Variants in RALY observed in about 807,000 individuals in gnomAD.
RALY encodes RALY heterogeneous nuclear ribonucleoprotein.
In RALY, 15 loss-of-function variants were observed where a neutral mutation model predicts 30.7. The ratio of observed to expected loss-of-function variants is 0.49; its 90% CI spans 0.33 to 0.75. The LOEUF is 0.75. Ranked by LOEUF, RALY falls within the 30% of genes least tolerant of loss-of-function variation. The pLI is 0.02. For synonymous variants in RALY, 177 were observed against 170.8 expected, an observed-to-expected ratio of 1.04 and a Z score of -0.28; for missense variants, 339 against 414.3, an observed-to-expected ratio of 0.82 and a Z score of 1.58.
At chr20:34,006,565 G>T (rs2031166649) in intron 1 of RALY, among the ~76,000 whole-genome samples, 1 of 152,182 alleles carries the variant, frequency 6.6e-6, no homozygotes, top group Admixed American at 6.5e-5. Context: ...GTCACATGCT[G>T]CATAGAGATG....
intron 4 of RALY, 88 bp downstream of exon 4, chr20:34,073,723 T>A (rs940544697): frequency 2.0e-5 from 31 of 1,547,004 alleles, no homozygotes; most frequent in Non-Finnish European, 2.7e-5. Context: ...GTGTGCTGAA[T>A]CTAGAACTTG....
intron 1 of RALY, among the ~76,000 whole-genome samples, chr20:34,017,220 C>T (rs2031643419): frequency 7.8e-6 from 1 of 127,654 alleles, no homozygotes; most frequent in Non-Finnish European, 1.7e-5. Context: ...AAATACTGAG[C>T]CTCATTGTGT....
rs764487648 is a variant in RALY, at chr20:34,076,696, T to A, written c.545-6T>A. On this transcript the variant is annotated splice_region_variant and splice_polypyrimidine_tract_variant and intron_variant, in intron 6 of 9. Transcript: ENST00000246194. ...GGTGACAGCCCTGTCCCCCCTCCAC[T>A]CCCAGTAAAGAGCAGTGAGCTGCAG... 1 of 1,613,200 alleles carries A rather than the reference T, an allele frequency of 6.2e-7. No homozygotes were observed. Among genetic ancestry groups the A allele is most frequent in the South Asian group, 1.1e-5 (1 of 91,010 alleles).
At position 34,078,486 on chromosome 20, in the gene RALY, C is replaced by G. The variant is rs2033956149; in HGVS notation, c.877-19C>G. The G allele has an allele frequency of 6.4e-7, 1 of 1,572,658 alleles. No individual in the cohort carries two copies. The highest frequency in any genetic ancestry group is 1.4e-5 in the African/African-American group (1 of 73,138). ...TGGCAATGAGTGATGTGTGGTCTCTCTTACCTCCTCCCTATCAGGAACACA... is the reference window on the plus strand; with the variant it reads ...TGGCAATGAGTGATGTGTGGTCTCTGTTACCTCCTCCCTATCAGGAACACA... On this transcript the variant is annotated intron_variant, in intron 8 of 9. Transcript: ENST00000246194.
At chr20:34,075,432 G>A (rs2033846345) in intron 5 of RALY, among the ~76,000 whole-genome samples, 1 of 151,964 alleles carries the variant, frequency 6.6e-6, no homozygotes. Flanking sequence ...GCTCAGGTAG[G>A]CTCAGTTGAC....
chr20:34,072,445 T>C (rs1318459814), intron 3 of RALY, 115 bp downstream of exon 3: 1 of 1,324,540 alleles, frequency 7.5e-7, no homozygotes, highest in South Asian at 1.5e-5. Flanking sequence ...TGAGATTTTA[T>C]AAATTTATAA....
intron 2 of RALY, among the ~76,000 whole-genome samples, chr20:34,062,481 AT>A (rs1453236954): frequency 6.6e-6 from 1 of 152,208 alleles, no homozygotes; most frequent in African/African-American, 2.4e-5. Context: ...GATAACACAA[AT>A]TAAGGGGTAG....
intron 2 of RALY, among the ~76,000 whole-genome samples, chr20:34,050,918 A>G (rs1408149904): frequency 6.6e-6 from 1 of 152,156 alleles, no homozygotes; most frequent in Admixed American, 6.5e-5. Context: ...CAGATTGGCA[A>G]TTTAGTGTGA....
At chr20:34,042,239 C>T (rs1352093918) in intron 2 of RALY, among the ~76,000 whole-genome samples, 2 of 152,164 alleles carry the variant, frequency 1.3e-5, no homozygotes, top group African/African-American at 4.8e-5. Flanking sequence ...CCGCTCCCGC[C>T]GAGGCAGCTG....
chr20:34,051,254 G>T (rs1319808027), intron 2 of RALY, among the ~76,000 whole-genome samples: 1 of 152,166 alleles, frequency 6.6e-6, no homozygotes, highest in Non-Finnish European at 1.5e-5. Context: ...GGCCCAGGAA[G>T]CTTTAAAGAG....
intron 3 of RALY, among the ~76,000 whole-genome samples, chr20:34,072,929 AGTGTGT>A (rs3835232): frequency 0.015 from 2,273 of 148,864 alleles, 26 homozygotes; most frequent in Middle Eastern, 0.028. Context: ...GTATAGATGT[AGTGTGT>A]GTGTGTGTGT....
intron 2 of RALY, among the ~76,000 whole-genome samples, chr20:34,058,622 G>C (rs1421071595): frequency 6.6e-6 from 1 of 152,136 alleles, no homozygotes; most frequent in Non-Finnish European, 1.5e-5. Flanking sequence ...TCTGACCTTA[G>C]GCATGTTCTC....
chr20:34,041,554 CT>C (rs1467573572), intron 2 of RALY, among the ~76,000 whole-genome samples: 1 of 152,328 alleles, frequency 6.6e-6, no homozygotes, highest in South Asian at 2.1e-4. Flanking sequence ...TAGTCTCTGT[CT>C]TTTTCTCAGC....
At chr20:34,062,682 A>G (rs2033453156) in intron 2 of RALY, among the ~76,000 whole-genome samples, 1 of 152,230 alleles carries the variant, frequency 6.6e-6, no homozygotes, top group Non-Finnish European at 1.5e-5. Context: ...GCAAAACAAG[A>G]GGGGCATTTG....
At chr20:34,065,887 A>G (rs1250647613) in intron 2 of RALY, among the ~76,000 whole-genome samples, 2 of 152,208 alleles carry the variant, frequency 1.3e-5, no homozygotes, top group Non-Finnish European at 2.9e-5. Context: ...GGGGGCATCA[A>G]GACCTAAAGC....
chr20:34,002,010 G>C (rs1481510283), intron 1 of RALY, among the ~76,000 whole-genome samples: 1 of 152,118 alleles, frequency 6.6e-6, no homozygotes, highest in Non-Finnish European at 1.5e-5. Flanking sequence ...CTGGTGATCT[G>C]CCCACCTCGG....
intron 2 of RALY, among the ~76,000 whole-genome samples, chr20:34,045,060 C>T (rs2032831849): frequency 6.6e-6 from 1 of 152,188 alleles, no homozygotes; most frequent in African/African-American, 2.4e-5. Context: ...CAGGCATGCA[C>T]CACCACACCT....
chr20:33,996,434 G>T (rs1489290623), intron 1 of RALY, among the ~76,000 whole-genome samples: 1 of 152,114 alleles, frequency 6.6e-6, no homozygotes, highest in Non-Finnish European at 1.5e-5. Flanking sequence ...ATGGACTGAG[G>T]ACTTTATGGA....
At chr20:34,050,102 G>A (rs147030693) in intron 2 of RALY, among the ~76,000 whole-genome samples, 242 of 152,286 alleles carry the variant, frequency 1.6e-3, no homozygotes, top group African/African-American at 5.3e-3. Context: ...CATTTACTGA[G>A]CCACTACTTC....
Sources: gnomAD v4.1 joint callset for allele counts (sites outside exome capture counted in the v4.1 genomes callset) on GRCh38, gnomAD v4.1.1 for gene constraint, MANE v1.5 for transcripts, NCBI Gene and HGNC (gene_info 2026-07-23, HGNC 2026-07-21) for gene names.